Variants in RPL19 observed in about 807,000 individuals in gnomAD.
The protein encoded by RPL19 is ribosomal protein L19.
Under a neutral mutation model 25.1 loss-of-function variants are expected in RPL19, and 2 were observed. The ratio of observed to expected loss-of-function variants is 0.08; its 90% CI spans 0.03 to 0.25. The LOEUF (loss-of-function observed/expected upper bound fraction) is 0.25, where lower values mean the gene tolerates loss of function less well. Among genes scored for constraint, RPL19 ranks in the 10% least tolerant of loss-of-function variants. The probability of loss-of-function intolerance (pLI) is 1.00; values close to 1 mark genes in which losing one functional copy is unlikely to be tolerated. For synonymous variants in RPL19, 89 were observed against 91.2 expected (o/e 0.98, Z 0.14); for missense variants, 123 against 271.8 (o/e 0.45, Z 3.85).
At chr17:39,202,221 G>T in intron 2 of RPL19, 96 bp from the exon 3 acceptor site, 1 of 1,483,796 alleles carries the variant, frequency 6.7e-7, no homozygotes, top group African/African-American at 1.4e-5. Context: ...AGACCGTGGG[G>T]CCAAGAATGT....
chr17:39,202,722 G>A (rs2046299774), intron 3 of RPL19: 1 of 590,616 alleles, frequency 1.7e-6, no homozygotes, highest in Admixed American at 3.0e-5. Context: ...AACGTGCTGT[G>A]TTGCCTTGGT....
At chr17:39,200,767 T>A (rs2046281037) in intron 1 of RPL19, 1 of 1,045,024 alleles carries the variant, frequency 9.6e-7, no homozygotes, top group Admixed American at 5.0e-5. Context: ...CTTGACTCCA[T>A]TCACTCCTTT....
At chr17:39,200,452 C>T in intron 1 of RPL19, 103 bp downstream of exon 1, 6 of 1,255,148 alleles carry the variant, frequency 4.8e-6, no homozygotes, top group East Asian at 3.6e-5. Flanking sequence ...GGAGGCCGCC[C>T]TAAAGCGGCC....
In RPL19 at chr17:39,200,314, GCT is replaced by G. The variant is rs2046276315; in HGVS notation, c.-28_-27del. The G allele has an allele frequency of 6.5e-7, 1 of 1,545,594 alleles. No homozygotes were observed. The highest frequency in any genetic ancestry group is 8.7e-7 in the Non-Finnish European group (1 of 1,147,094). On this transcript the variant is annotated 5_prime_UTR_variant, in exon 1 of 6. Coordinates refer to ENST00000225430, the MANE Select transcript of RPL19 (RefSeq NM_000981.4). ...AATGGGAGGAGCCGGGCCCGAGCGA[GCT>G]CTTTCCTTTCGCTGCTGCGGCCGCA...
At chr17:39,202,830 A>T in intron 3 of RPL19, 159 bp from the exon 4 acceptor site, 1 of 760,438 alleles carries the variant, frequency 1.3e-6, no homozygotes, top group Non-Finnish European at 2.1e-6. Context: ...GAACTTACGT[A>T]GTTGGGATCA....
intron 3 of RPL19, 69 bp downstream of exon 3, chr17:39,202,508 C>G (rs2144209643): frequency 3.8e-6 from 6 of 1,560,536 alleles, no homozygotes; most frequent in South Asian, 1.1e-5. Flanking sequence ...TATTCAGGAT[C>G]TAAGCACTCT....
chr17:39,201,549 C>T lies in RPL19; in HGVS notation c.112+230C>T, dbSNP rs2046289647. 2.0e-5 allele frequency among the ~76,000 whole-genome samples: 3 copies of T among 151,860 alleles called. No homozygotes were observed. The South Asian group carries it at 6.2e-4, about 32-fold the overall frequency. ...CTGGGATTAGAGGTGTGCACCACCA[C>T]ACCCAGCTAATTTACTCTTTATATT... On this transcript the variant is annotated intron_variant, in intron 2 of 5. Coordinates refer to ENST00000225430, the MANE Select transcript of RPL19 (RefSeq NM_000981.4).
At chr17:39,201,019 T>G in intron 1 of RPL19, 194 bp from the exon 2 acceptor site, 1 of 533,054 alleles carries the variant, frequency 1.9e-6, no homozygotes, top group Non-Finnish European at 3.3e-6. Flanking sequence ...CTCCGAGAGG[T>G]GAAGGCATAG....
At chr17:39,202,179 A>G (rs923759925) in intron 2 of RPL19, 138 bp from the exon 3 acceptor site, 2 of 1,075,468 alleles carry the variant, frequency 1.9e-6, no homozygotes, top group South Asian at 3.1e-5. Context: ...TTTGAAGGCA[A>G]GAAATAAGTT....
At chr17:39,202,753 A>G (rs941041970) in intron 3 of RPL19, 1 of 607,190 alleles carries the variant, frequency 1.6e-6, no homozygotes, top group Non-Finnish European at 2.9e-6. Flanking sequence ...TTACACCCAC[A>G]TTCTGCATGA....
At chr17:39,204,305 C>T (rs1210463485) in intron 5 of RPL19, 118 bp downstream of exon 5, 3 of 827,710 alleles carry the variant, frequency 3.6e-6, no homozygotes, top group African/African-American at 3.4e-5. Flanking sequence ...CTTAGGAATA[C>T]AGCTGTTCCC....
At chr17:39,204,365 G>A (rs1178521094) in intron 5 of RPL19, among the ~76,000 whole-genome samples, 160 bp from the exon 6 acceptor site, 2 of 152,202 alleles carry the variant, frequency 1.3e-5, no homozygotes, top group African/African-American at 4.8e-5. Flanking sequence ...TTCCTGTCTC[G>A]TAGGGACTAG....
chr17:39,203,448 T>TG (rs34473065), intron 4 of RPL19, among the ~76,000 whole-genome samples: 2,898 of 151,608 alleles, frequency 0.019, 87 homozygotes, highest in African/African-American at 0.067. Context: ...CCCAAAGTGC[T>TG]GGGGTTATAG....
intron 2 of RPL19, among the ~76,000 whole-genome samples, 156 bp downstream of exon 2, chr17:39,201,475 C>T (rs1253479911): frequency 2.0e-5 from 3 of 151,664 alleles, no homozygotes; most frequent in East Asian, 1.9e-4. Context: ...ATCATTGCAA[C>T]CCCTGCTCCC....
chr17:39,203,971 AAAG>A, intron 4 of RPL19, 103 bp from the exon 5 acceptor site: 1 of 666,120 alleles, frequency 1.5e-6, no homozygotes, highest in South Asian at 1.7e-5. Context: ...CAATAGGAGA[AAAG>A]AAAGGAAGCT....
rs561894209 is a variant in RPL19 at position 39,200,311 on chromosome 17, C to G, written c.-34C>G. ...GATAATGGGAGGAGCCGGGCCCGAG[C>G]GAGCTCTTTCCTTTCGCTGCTGCGG... On this transcript the variant is annotated 5_prime_UTR_variant, in exon 1 of 6. Coordinates refer to ENST00000225430, the MANE Select transcript of RPL19 (RefSeq NM_000981.4). The G allele has an allele frequency of 1.0e-5, 16 of 1,537,330 alleles. No homozygotes were observed. In the East Asian group the frequency reaches 1.5e-4, roughly 14 times the overall value.
In RPL19 at chr17:39,204,164, C is replaced by T. The variant is rs755595785; in HGVS notation, c.444C>T (p.Asp148=). 1.2e-6 allele frequency: 2 copies of T among 1,610,010 alleles called. No individual in the cohort carries two copies. Among genetic ancestry groups the T allele is most frequent in the Non-Finnish European group, 1.7e-6 (2 of 1,176,334 alleles). The change falls in exon 5 of 6, where the codon GAC becomes GAT. Residue 148 remains aspartate, a synonymous_variant. Coordinates refer to ENST00000225430, the MANE Select transcript of RPL19 (RefSeq NM_000981.4). ...AACACATCCACAAGCTGAAGGCAGA[C>T]AAGGCCCGCAAGAAGCTCCTGGCGT... ...LMEHIHKLKA[D]KARKKLLADQ...
chr17:39,201,457 G>A (rs2046288674), intron 2 of RPL19, 138 bp downstream of exon 2: 1 of 612,516 alleles, frequency 1.6e-6, no homozygotes, highest in Non-Finnish European at 2.9e-6. Flanking sequence ...GTGTAGTGGT[G>A]CCATCTGATC....
rs532832732 is a variant in RPL19 at position 39,201,240 on chromosome 17, C to T, written c.33C>T (p.Ala11=). Residue 11 remains alanine, a synonymous_variant, in exon 2 of 6, where the codon GCC becomes GCT. Coordinates refer to ENST00000225430, the MANE Select transcript of RPL19 (RefSeq NM_000981.4). ...TGCTCAGGCTTCAGAAGAGGCTCGCCTCTAGTGTCCTCCGCTGTGGCAAGA... is the reference window on the plus strand; with the variant it reads ...TGCTCAGGCTTCAGAAGAGGCTCGCTTCTAGTGTCCTCCGCTGTGGCAAGA... MSMLRLQKRL[A]SSVLRCGKKK... The T allele has an allele frequency of 4.3e-6, 7 of 1,613,224 alleles. No individual in the cohort carries two copies. In the Admixed American group the frequency reaches 6.7e-5, roughly 15 times the overall value.
Sources: allele counts gnomAD v4.1 joint callset (sites outside exome capture counted in the v4.1 genomes callset), GRCh38; gene constraint gnomAD v4.1.1; transcripts MANE v1.5; gene names NCBI Gene and HGNC (gene_info 2026-07-23, HGNC 2026-07-21).